The following THSD7B variants were observed in gnomAD, a reference collection of about 807,000 sequenced individuals.
THSD7B encodes the protein thrombospondin type-1 domain-containing protein 7B.
THSD7B carries 138 observed loss-of-function variants against 213.6 expected under a neutral mutation model. The ratio of observed to expected loss-of-function variants is 0.65; its 90% CI spans 0.56 to 0.74. THSD7B has a LOEUF of 0.74. Among genes scored for constraint, THSD7B ranks in the 30% least tolerant of loss-of-function variants. The probability of loss-of-function intolerance (pLI) is 0.00; values close to 1 mark genes in which losing one functional copy is unlikely to be tolerated. For missense variants in THSD7B, 1,931 were observed against 1,991.5 expected (o/e 0.97, Z 0.58); for synonymous variants, 742 against 687.0 (o/e 1.08, Z -1.25).
intron 2 of THSD7B, among the ~76,000 whole-genome samples, chr2:137,010,804 A>C (rs1338629471): frequency 6.6e-6 from 1 of 152,198 alleles, no homozygotes; most frequent in Non-Finnish European, 1.5e-5. Flanking sequence ...TGTAGCTTGC[A>C]TTCTACTGGG....
At chr2:137,068,347 A>G (rs574692480) in intron 3 of THSD7B, among the ~76,000 whole-genome samples, 1 of 152,266 alleles carries the variant, frequency 6.6e-6, no homozygotes, top group East Asian at 1.9e-4. Flanking sequence ...TTAGTCTTCA[A>G]ATGACTATGA....
At chr2:137,429,217 A>G (rs1266583336) in intron 14 of THSD7B, among the ~76,000 whole-genome samples, 1 of 152,152 alleles carries the variant, frequency 6.6e-6, no homozygotes, top group Non-Finnish European at 1.5e-5. Flanking sequence ...GGGGTGATTA[A>G]AGTATTGTCA....
chr2:136,797,235 G>A (rs553993378), intron 1 of THSD7B, among the ~76,000 whole-genome samples: 3 of 152,006 alleles, frequency 2.0e-5, no homozygotes, highest in African/African-American at 7.2e-5. Context: ...GTTTCTGCTG[G>A]TTGGTTTAGA....
chr2:137,251,174 G>A (rs866616541), intron 10 of THSD7B, among the ~76,000 whole-genome samples: 1 of 152,186 alleles, frequency 6.6e-6, no homozygotes. Context: ...ACTGCTGAAC[G>A]AGAAGTTAGT....
chr2:137,535,624 C>T (rs2218707), intron 15 of THSD7B, among the ~76,000 whole-genome samples: 11,087 of 151,692 alleles, frequency 0.073, 449 homozygotes, highest in African/African-American at 0.089. Flanking sequence ...ATCCTGTGTG[C>T]TACTTGCTAG....
At chr2:137,060,751 G>A (rs886869439) in intron 3 of THSD7B, among the ~76,000 whole-genome samples, 1 of 151,868 alleles carries the variant, frequency 6.6e-6, no homozygotes, top group African/African-American at 2.4e-5. Flanking sequence ...AATGTTTTGA[G>A]TAATGTAGTT....
chr2:137,642,750 A>G (rs573710755), intron 21 of THSD7B, 117 bp downstream of exon 21: 54 of 1,218,914 alleles, frequency 4.4e-5, no homozygotes, highest in Non-Finnish European at 5.5e-5. Context: ...GGCACAATGT[A>G]TTTTTAATGC....
intron 17 of THSD7B, 36 bp downstream of exon 17, chr2:137,572,592 T>A (rs765108320): frequency 8.7e-6 from 14 of 1,610,714 alleles, no homozygotes; most frequent in Non-Finnish European, 1.1e-5. Flanking sequence ...TCTGATAATC[T>A]ATTGTTGCCT....
intron 5 of THSD7B, among the ~76,000 whole-genome samples, chr2:137,118,496 A>G (rs985015671): frequency 1.4e-4 from 21 of 152,172 alleles, no homozygotes; most frequent in Non-Finnish European, 3.1e-4. Context: ...AAAGCAATAA[A>G]CTATATTTAA....
At chr2:137,050,694 G>A (rs888900467) in intron 2 of THSD7B, among the ~76,000 whole-genome samples, 2 of 151,946 alleles carry the variant, frequency 1.3e-5, no homozygotes, top group African/African-American at 4.8e-5. Context: ...GAGATTTATG[G>A]GAATACTTTA....
chr2:137,465,096 C>CT (rs1458387789), intron 15 of THSD7B, among the ~76,000 whole-genome samples: 9 of 151,648 alleles, frequency 5.9e-5, no homozygotes, highest in Admixed American at 4.0e-4. Context: ...TACAAGGAGC[C>CT]TTTTTTTTCT....
chr2:137,098,180 T>A (rs1247055986), intron 4 of THSD7B, among the ~76,000 whole-genome samples: 1 of 152,206 alleles, frequency 6.6e-6, no homozygotes, highest in Non-Finnish European at 1.5e-5. Flanking sequence ...TCACCTTATT[T>A]CTCTCCAAGA....
chr2:136,883,562 T>C (rs1287976866), intron 2 of THSD7B, among the ~76,000 whole-genome samples: 1 of 152,102 alleles, frequency 6.6e-6, no homozygotes, highest in East Asian at 1.9e-4. Flanking sequence ...AAGATGAACA[T>C]TTGATCAAAT....
chr2:137,237,564 T>C (rs1348603399), intron 9 of THSD7B, among the ~76,000 whole-genome samples: 4 of 152,228 alleles, frequency 2.6e-5, no homozygotes, highest in Non-Finnish European at 5.9e-5. Flanking sequence ...TTAGTGTATG[T>C]ACAGCATGTG....
chr2:137,143,420 C>A (rs1045493600), intron 5 of THSD7B, among the ~76,000 whole-genome samples: 1 of 152,136 alleles, frequency 6.6e-6, no homozygotes, highest in African/African-American at 2.4e-5. Context: ...AGGAAGCAGG[C>A]AGCAGGGTGG....
At chr2:137,516,932 A>C (rs1680080851) in intron 15 of THSD7B, among the ~76,000 whole-genome samples, 1 of 152,244 alleles carries the variant, frequency 6.6e-6, no homozygotes, top group African/African-American at 2.4e-5. Context: ...ATCCCTGTTC[A>C]ACTCTCCTAT....
At chr2:136,891,631 C>T (rs1325475026) in intron 2 of THSD7B, among the ~76,000 whole-genome samples, 2 of 152,172 alleles carry the variant, frequency 1.3e-5, no homozygotes, top group Non-Finnish European at 2.9e-5. Flanking sequence ...CAGCCAGGCA[C>T]CTTTCTTTCA....
chr2:136,820,655 A>AT (rs1008395232), intron 1 of THSD7B, among the ~76,000 whole-genome samples: 12 of 152,232 alleles, frequency 7.9e-5, no homozygotes, highest in Non-Finnish European at 1.6e-4. Flanking sequence ...GAAGGTCATT[A>AT]TTGGGATAAC....
At chr2:137,159,055 C>T (rs551902495) in intron 5 of THSD7B, among the ~76,000 whole-genome samples, 46 of 152,182 alleles carry the variant, frequency 3.0e-4, no homozygotes, top group Non-Finnish European at 4.1e-4. Context: ...TATTACTATC[C>T]TAGCTCCTAT....
Sources: allele counts gnomAD v4.1 joint callset (sites outside exome capture counted in the v4.1 genomes callset), GRCh38; gene constraint gnomAD v4.1.1; transcripts MANE v1.5; gene names NCBI Gene and HGNC (gene_info 2026-07-23, HGNC 2026-07-21).